YY1: variants seen among roughly 807,000 people sequenced by gnomAD.
YY1 encodes the protein YY1 transcription factor.
YY1 carries 2 observed loss-of-function variants against 35.6 expected under a neutral mutation model. That is an observed-to-expected ratio of 0.06 (90% CI 0.02 to 0.18). YY1 has a LOEUF of 0.18. Among genes scored for constraint, YY1 ranks in the 10% least tolerant of loss-of-function variants. YY1 has a pLI of 1.00. For missense variants in YY1, 322 were observed against 573.4 expected, an observed-to-expected ratio of 0.56 and a Z score of 4.48; for synonymous variants, 268 against 238.9, an observed-to-expected ratio of 1.12 and a Z score of -1.12.
chr14:100,248,718 C>T (rs1408837631), intron 1 of YY1, among the ~76,000 whole-genome samples: 2 of 141,032 alleles, frequency 1.4e-5, no homozygotes, highest in African/African-American at 2.7e-5. Flanking sequence ...AACGGTGTCT[C>T]GCTCTGTCAC....
chr14:100,267,186 C>G (rs1441063237), intron 2 of YY1, among the ~76,000 whole-genome samples: 5 of 152,082 alleles, frequency 3.3e-5, no homozygotes, highest in Non-Finnish European at 1.5e-5. Context: ...GCAAAGAAAG[C>G]TGTAGCCTGA....
chr14:100,251,022 A>G (rs938493898), intron 1 of YY1, among the ~76,000 whole-genome samples: 1 of 152,170 alleles, frequency 6.6e-6, no homozygotes, highest in Non-Finnish European at 1.5e-5. Flanking sequence ...GAAATAATAT[A>G]TAAGGCCTTT....
chr14:100,272,965 G>GTT lies in YY1; in HGVS notation c.843-1721_843-1720dup, dbSNP rs368896214. Among the ~76,000 whole-genome samples the GTT allele has an allele frequency of 2.1e-3, 271 of 127,640 alleles. 3 individuals are homozygous for GTT. Among genetic ancestry groups the GTT allele is most frequent in the Middle Eastern group, 0.012 (3 of 260 alleles). 83.7% of individuals were successfully genotyped at this position (127,640 alleles called of 152,430 possible). A position where few individuals can be genotyped will look rare whatever the true frequency, so the allele number is the denominator to read the frequency against. ...GCTAGTTTTTTGTTGTTTTTTTTTTGTTTTTTTTTTTTTGAGACGGTATTT... is the reference window on the plus strand; with the variant it reads ...GCTAGTTTTTTGTTGTTTTTTTTTTGTTTTTTTTTTTTTTTGAGACGGTATTT... On this transcript the variant is annotated intron_variant, in intron 2 of 4. Transcript: ENST00000262238.
chr14:100,259,295 T>C (rs1009509951), intron 1 of YY1, among the ~76,000 whole-genome samples: 14 of 151,880 alleles, frequency 9.2e-5, no homozygotes, highest in African/African-American at 3.4e-4. Flanking sequence ...CCAAGGCGGG[T>C]GGATCACGAG....
chr14:100,271,884 T>C (rs2139599399), intron 2 of YY1, among the ~76,000 whole-genome samples: 1 of 152,326 alleles, frequency 6.6e-6, no homozygotes, highest in South Asian at 2.1e-4. Context: ...AATAATTTTG[T>C]ACACGAAACA....
At chr14:100,271,204 G>A (rs112097419) in intron 2 of YY1, among the ~76,000 whole-genome samples, 7,553 of 151,888 alleles carry the variant, frequency 0.05, 240 homozygotes, top group Middle Eastern at 0.082. Flanking sequence ...CTGAGATTGC[G>A]CCACTGCACT....
chr14:100,273,974 A>G (rs1891284068), intron 2 of YY1, among the ~76,000 whole-genome samples: 1 of 152,114 alleles, frequency 6.6e-6, no homozygotes, highest in Non-Finnish European at 1.5e-5. Flanking sequence ...CTTGGTACAA[A>G]TGAGAACTTC....
chr14:100,270,470 AAAAAT>A (rs1891221056), intron 2 of YY1, among the ~76,000 whole-genome samples: 1 of 147,598 alleles, frequency 6.8e-6, no homozygotes, highest in Non-Finnish European at 1.5e-5. Context: ...AAAAAAAAAA[AAAAAT>A]AGCCAGGCAT....
chr14:100,268,585 A>T (rs1891188209), intron 2 of YY1, among the ~76,000 whole-genome samples: 2 of 152,238 alleles, frequency 1.3e-5, no homozygotes, highest in African/African-American at 4.8e-5. Context: ...AGACTTTCAC[A>T]ATATTAATGT....
At chr14:100,254,808 T>G (rs1008540380) in intron 1 of YY1, among the ~76,000 whole-genome samples, 2 of 149,800 alleles carry the variant, frequency 1.3e-5, no homozygotes, top group South Asian at 2.1e-4. Context: ...AGTCTCACAG[T>G]GTCGCCCGGG....
Position 100,278,124 on chromosome 14 carries a change from A to G in YY1, c.*524A>G, listed in dbSNP as rs1891351475. The G allele has an allele frequency of 6.7e-6, 1 of 149,732 alleles. No individual in the cohort carries two copies. Among genetic ancestry groups the G allele is most frequent in the African/African-American group, 2.6e-5 (1 of 38,750 alleles). The allele number at this position is 149,732 out of a possible 1,614,324, so 9.3% of individuals were successfully genotyped here. A position where few individuals can be genotyped will look rare whatever the true frequency, so the allele number is the denominator to read the frequency against. On this transcript the variant is annotated 3_prime_UTR_variant, in exon 5 of 5. Transcript: ENST00000262238. ...GCAGTTACATGCATACTTCAAAAGT[A>G]TTTTCCTGTAAAAAAAAAAAAGTTA...
At chr14:100,269,329 C>T (rs1223971216) in intron 2 of YY1, among the ~76,000 whole-genome samples, 3 of 151,786 alleles carry the variant, frequency 2.0e-5, no homozygotes, top group African/African-American at 4.8e-5. Context: ...AATAAGAAAC[C>T]GAGGCCGAGA....
chr14:100,267,857 G>T (rs1427365539), intron 2 of YY1, among the ~76,000 whole-genome samples: 1 of 152,234 alleles, frequency 6.6e-6, no homozygotes, highest in Non-Finnish European at 1.5e-5. Flanking sequence ...ATGTTCATCT[G>T]AACAAATATC....
chr14:100,254,693 G>A (rs1039169367), intron 1 of YY1, among the ~76,000 whole-genome samples: 1 of 152,026 alleles, frequency 6.6e-6, no homozygotes, highest in South Asian at 2.1e-4. Context: ...CTGACCTTAG[G>A]TGATCAGCCC....
In YY1 at chr14:100,276,558, C is replaced by G; in HGVS notation, c.972C>G (p.Val324=). The G allele has an allele frequency of 6.2e-7, 1 of 1,614,226 alleles. No homozygotes were observed. ...ATCTGCACACCCACGGTCCCAGAGTCCACGTCTGTGCAGAATGTGGCAAAG... is the reference window on the plus strand; with the variant it reads ...ATCTGCACACCCACGGTCCCAGAGTGCACGTCTGTGCAGAATGTGGCAAAG... ...RKHLHTHGPR[V]HVCAECGKAF... is the part of the protein sequence containing the mutation. Residue 324 remains valine (V), a synonymous_variant, in exon 4 of 5, where the codon GTC becomes GTG. Coordinates refer to ENST00000262238, the MANE Select transcript of YY1 (RefSeq NM_003403.5). This position sits in a 1 kb window ranked among gnomAD's most constrained non-coding sequence, Gnocchi z 4.1.
intron 1 of YY1, among the ~76,000 whole-genome samples, chr14:100,259,764 C>G (rs938215818): frequency 3.3e-5 from 5 of 152,032 alleles, no homozygotes; most frequent in Non-Finnish European, 7.4e-5. Context: ...TGAATTTAAC[C>G]CATGAGAAAA....
In YY1 at chr14:100,239,235, G is replaced by A; in HGVS notation, c.-10G>A. The A allele has an allele frequency of 2.0e-6, 3 of 1,521,278 alleles. No homozygotes were observed. Among genetic ancestry groups the A allele is most frequent in the Non-Finnish European group, 2.6e-6 (3 of 1,138,956 alleles). The allele number at this position is 1,521,278 out of a possible 1,614,324, so 94.2% of individuals were successfully genotyped here. On this transcript the variant is annotated 5_prime_UTR_variant, in exon 1 of 5. Coordinates refer to ENST00000262238, the MANE Select transcript of YY1 (RefSeq NM_003403.5). ...AGGCCGCCGCGGCCGTGGCGGCGGAGCCCTCAGCCATGGCCTCGGGCGACA... is the reference window on the plus strand; with the variant it reads ...AGGCCGCCGCGGCCGTGGCGGCGGAACCCTCAGCCATGGCCTCGGGCGACA...
chr14:100,242,889 C>G (rs1038452028), intron 1 of YY1, among the ~76,000 whole-genome samples: 8 of 152,170 alleles, frequency 5.3e-5, no homozygotes, highest in African/African-American at 1.9e-4. Flanking sequence ...GCTGGGATTG[C>G]AGGCATCCAC....
chr14:100,243,065 C>T (rs1890775563), intron 1 of YY1, among the ~76,000 whole-genome samples: 1 of 152,138 alleles, frequency 6.6e-6, no homozygotes, highest in Non-Finnish European at 1.5e-5. Context: ...CTTACTTTTC[C>T]TTGTGATTTG....
Sources: gnomAD v4.1 joint callset for allele counts (sites outside exome capture counted in the v4.1 genomes callset) on GRCh38, gnomAD v4.1.1 for gene constraint, Gnocchi (gnomAD v3.1) non-coding constraint, MANE v1.5 for transcripts, NCBI Gene and HGNC (gene_info 2026-07-23, HGNC 2026-07-21) for gene names.